TCF7L2: variants seen among roughly 807,000 people sequenced by gnomAD.
TCF7L2 encodes transcription factor 7 like 2.
TCF7L2 carries 23 observed loss-of-function variants against 77.9 expected under a neutral mutation model. The observed-to-expected ratio is 0.30, with a 90% CI of 0.21 to 0.42. The LOEUF is 0.42. TCF7L2 is among the 10% of genes least tolerant of loss of function. TCF7L2 has a pLI of 1.00. For missense variants in TCF7L2, 654 were observed against 793.1 expected (o/e 0.82, Z 2.11); for synonymous variants, 413 against 340.2 (o/e 1.21, Z -2.36).
intron 4 of TCF7L2, among the ~76,000 whole-genome samples, chr10:113,037,178 T>C (rs1003368527): frequency 6.6e-6 from 1 of 152,206 alleles, no homozygotes; most frequent in Admixed American, 6.5e-5. Flanking sequence ...TGGAGAAGGT[T>C]AATAGCTTCC....
intron 4 of TCF7L2, among the ~76,000 whole-genome samples, chr10:112,997,148 T>A (rs1243734967): frequency 6.6e-6 from 1 of 152,240 alleles, no homozygotes; most frequent in African/African-American, 2.4e-5. Flanking sequence ...TTATGAGGGT[T>A]GACTCAGCCT....
In TCF7L2 at chr10:113,157,204, C is replaced by T. The variant is rs138101205; in HGVS notation, c.1270-817C>T. Reference sequence around the variant, plus strand: ...CATGATCTCGGCTCACTGCAACCTCCGCCTTCTGGGTTCAGGCGATTCTCC... The same window carrying T: ...CATGATCTCGGCTCACTGCAACCTCTGCCTTCTGGGTTCAGGCGATTCTCC... On this transcript the variant is annotated intron_variant, in intron 11 of 13. Transcript: ENST00000627217. Among the ~76,000 whole-genome samples, 640 of 152,332 alleles carry T rather than the reference C, an allele frequency of 4.2e-3. 9 individuals carry two copies. The highest frequency in any genetic ancestry group is 0.015 in the African/African-American group (607 of 41,588).
At chr10:113,044,606 CA>C (rs1194608473) in intron 5 of TCF7L2, among the ~76,000 whole-genome samples, 3 of 152,160 alleles carry the variant, frequency 2.0e-5, no homozygotes, top group African/African-American at 7.2e-5. Context: ...AGGGTATGAC[CA>C]GGGGGACCTG....
intron 5 of TCF7L2, among the ~76,000 whole-genome samples, chr10:113,114,786 T>C (rs142048044): frequency 2.6e-5 from 4 of 152,218 alleles, no homozygotes; most frequent in Admixed American, 6.5e-5. Context: ...AAAGAGTATG[T>C]GTTTTACTGT....
intron 5 of TCF7L2, among the ~76,000 whole-genome samples, chr10:113,109,724 T>A (rs2062874178): frequency 6.6e-6 from 1 of 152,226 alleles, no homozygotes; most frequent in Non-Finnish European, 1.5e-5. Flanking sequence ...TATGAAAGGC[T>A]GGTGGATGTG....
intron 5 of TCF7L2, among the ~76,000 whole-genome samples, chr10:113,130,719 T>C (rs1380986336): frequency 2.0e-5 from 3 of 152,028 alleles, no homozygotes. Context: ...TCCATTATAC[T>C]CTCTTCAACT....
At chr10:112,994,208 C>T (rs1292973579) in intron 4 of TCF7L2, among the ~76,000 whole-genome samples, 3 of 152,182 alleles carry the variant, frequency 2.0e-5, no homozygotes, top group South Asian at 2.1e-4. Flanking sequence ...TCCTCACCCC[C>T]GAGGAGAAAC....
At chr10:113,027,717 C>T (rs1590690316) in intron 4 of TCF7L2, among the ~76,000 whole-genome samples, 1 of 152,238 alleles carries the variant, frequency 6.6e-6, no homozygotes, top group Non-Finnish European at 1.5e-5. Flanking sequence ...GTTTCTACAG[C>T]CTGCAACCCT....
intron 7 of TCF7L2, 31 bp from the exon 8 acceptor site, chr10:113,145,980 A>G (rs1324951607): frequency 7.4e-7 from 1 of 1,354,066 alleles, no homozygotes. Flanking sequence ...CCCTTGTTTC[A>G]AGTCTCTTAC....
intron 4 of TCF7L2, among the ~76,000 whole-genome samples, chr10:113,024,376 G>C (rs562544601): frequency 6.1e-4 from 93 of 152,216 alleles, no homozygotes; most frequent in Non-Finnish European, 1.3e-4. Context: ...CATAAACCCT[G>C]TAAACTATCT....
intron 4 of TCF7L2, among the ~76,000 whole-genome samples, chr10:112,994,399 T>C (rs973924091): frequency 6.6e-6 from 1 of 152,268 alleles, no homozygotes; most frequent in Non-Finnish European, 1.5e-5. Flanking sequence ...GTAGCATCTA[T>C]CAGTATGTCA....
chr10:113,046,355 C>T, intron 5 of TCF7L2, among the ~76,000 whole-genome samples: 1 of 152,130 alleles, frequency 6.6e-6, no homozygotes, highest in Middle Eastern at 3.2e-3. Flanking sequence ...TGGTAGCTAT[C>T]TGTTTCCCCT....
At chr10:113,107,772 A>AC (rs1228136372) in intron 5 of TCF7L2, among the ~76,000 whole-genome samples, 2 of 151,132 alleles carry the variant, frequency 1.3e-5, no homozygotes, top group African/African-American at 4.8e-5. Context: ...AAAAAAAAAA[A>AC]AAAACAACAA....
chr10:113,122,029 G>A (rs1030843093), intron 5 of TCF7L2, among the ~76,000 whole-genome samples: 4 of 152,090 alleles, frequency 2.6e-5, no homozygotes, highest in South Asian at 4.1e-4. Flanking sequence ...TCTATTAGTC[G>A]AGCACATTTT....
chr10:113,101,951 C>T (rs1426061503), intron 5 of TCF7L2, among the ~76,000 whole-genome samples: 1 of 149,354 alleles, frequency 6.7e-6, no homozygotes, highest in Non-Finnish European at 1.5e-5. Context: ...CCAGCCTGGG[C>T]AACATAGTGA....
intron 4 of TCF7L2, among the ~76,000 whole-genome samples, chr10:112,993,716 C>G (rs1391249621): frequency 6.6e-6 from 1 of 152,148 alleles, no homozygotes; most frequent in Non-Finnish European, 1.5e-5. Flanking sequence ...ACACCTCTTG[C>G]CTCGCAAGCT....
At chr10:112,955,183 A>G (rs904196459) in intron 3 of TCF7L2, among the ~76,000 whole-genome samples, 2 of 148,960 alleles carry the variant, frequency 1.3e-5, no homozygotes, top group Non-Finnish European at 3.0e-5. Context: ...ATATTACTGT[A>G]ATTACACAGG....
At chr10:113,058,194 T>G (rs1327517775) in intron 5 of TCF7L2, among the ~76,000 whole-genome samples, 2 of 152,250 alleles carry the variant, frequency 1.3e-5, no homozygotes, top group Non-Finnish European at 2.9e-5. Context: ...AACTTGTGAC[T>G]GCCCAACAGG....
chr10:113,146,932 T>C (rs915610164), intron 8 of TCF7L2, among the ~76,000 whole-genome samples: 3 of 152,172 alleles, frequency 2.0e-5, no homozygotes, highest in African/African-American at 7.2e-5. Context: ...GTGCTGTACA[T>C]TCATATATAT....
Sources: allele counts gnomAD v4.1 joint callset (sites outside exome capture counted in the v4.1 genomes callset), GRCh38; gene constraint gnomAD v4.1.1; transcripts MANE v1.5; gene names NCBI Gene and HGNC (gene_info 2026-07-23, HGNC 2026-07-21).